The following SMAD1 variants were observed in gnomAD, a reference collection of about 807,000 sequenced individuals.
SMAD1 encodes the protein MAD, mothers against decapentaplegic homolog 1.
In SMAD1, 6 loss-of-function variants were observed where a neutral mutation model predicts 41.6. That is an observed-to-expected ratio of 0.14 (90% CI 0.08 to 0.28). SMAD1 has a LOEUF of 0.28. Ranked by LOEUF, SMAD1 falls within the 10% of genes least tolerant of loss-of-function variation. The pLI, the probability that SMAD1 is intolerant of heterozygous loss-of-function variation, is 1.00. For missense variants in SMAD1, 379 were observed against 582.6 expected (o/e 0.65, Z 3.60); for synonymous variants, 206 against 203.2 (o/e 1.01, Z -0.12).
chr4:145,539,318 A>T (rs141433233), intron 2 of SMAD1, among the ~76,000 whole-genome samples: 1 of 152,202 alleles, frequency 6.6e-6, no homozygotes, highest in Admixed American at 6.5e-5. Context: ...TTTATTTACT[A>T]TGCTGCTTTT....
intron 1 of SMAD1, among the ~76,000 whole-genome samples, chr4:145,498,519 GTTTTAAA>G (rs1430400528): frequency 6.6e-6 from 1 of 152,106 alleles, no homozygotes; most frequent in Admixed American, 6.5e-5. Flanking sequence ...TGTTATTGTG[GTTTTAAA>G]TTTGAAAACA....
chr4:145,555,220 C>T (rs995304157), intron 6 of SMAD1, among the ~76,000 whole-genome samples: 5 of 152,130 alleles, frequency 3.3e-5, no homozygotes, highest in Non-Finnish European at 5.9e-5. Context: ...ACATATGGGA[C>T]TACAAAGAAC....
intron 2 of SMAD1, among the ~76,000 whole-genome samples, chr4:145,527,802 G>A (rs1045836441): frequency 6.6e-6 from 1 of 151,886 alleles, no homozygotes; most frequent in Non-Finnish European, 1.5e-5. Context: ...TTTGGATTGC[G>A]AGTCCACATC....
intron 6 of SMAD1, among the ~76,000 whole-genome samples, chr4:145,556,372 G>T (rs141508533): frequency 0.012 from 1,762 of 152,126 alleles, 23 homozygotes; most frequent in Non-Finnish European, 0.016. Context: ...ATGCATGAGT[G>T]TACATACATC....
chr4:145,535,466 G>T (rs1731558706), intron 2 of SMAD1, among the ~76,000 whole-genome samples: 1 of 152,112 alleles, frequency 6.6e-6, no homozygotes, highest in Admixed American at 6.6e-5. Flanking sequence ...AATCACCTTT[G>T]GTGTTGTTAT....
intron 1 of SMAD1, among the ~76,000 whole-genome samples, chr4:145,507,314 G>C (rs1386663482): frequency 1.3e-5 from 2 of 151,916 alleles, no homozygotes; most frequent in Non-Finnish European, 2.9e-5. Flanking sequence ...TCCAAACCCA[G>C]TCATGGTTAA....
At chr4:145,486,859 T>G (rs1728502197) in intron 1 of SMAD1, among the ~76,000 whole-genome samples, 1 of 152,194 alleles carries the variant, frequency 6.6e-6, no homozygotes, top group African/African-American at 2.4e-5. Flanking sequence ...AGATCTGGAC[T>G]CCTCTTGGCA....
intron 5 of SMAD1, among the ~76,000 whole-genome samples, chr4:145,548,910 T>C (rs1285526001): frequency 6.6e-6 from 1 of 152,168 alleles, no homozygotes; most frequent in Admixed American, 6.5e-5. Flanking sequence ...TCATCACCAA[T>C]GAGAGACAGA....
At chr4:145,529,302 A>C (rs1439791439) in intron 2 of SMAD1, among the ~76,000 whole-genome samples, 1 of 152,188 alleles carries the variant, frequency 6.6e-6, no homozygotes, top group East Asian at 1.9e-4. Flanking sequence ...CTCTAATAAC[A>C]GAGCACCTTC....
chr4:145,557,951 G>A lies in SMAD1; in HGVS notation c.*17G>A. On this transcript the variant is annotated 3_prime_UTR_variant, in exon 7 of 7. Coordinates refer to ENST00000302085, the MANE Select transcript of SMAD1 (RefSeq NM_005900.3). ...GTATCTTAAATGGCCCCAGGCATCTGCCTCTGGAAAACTATTGAGCCTTGC... is the reference window on the plus strand; with the variant it reads ...GTATCTTAAATGGCCCCAGGCATCTACCTCTGGAAAACTATTGAGCCTTGC... 6.3e-7 allele frequency: 1 copy of A among 1,585,574 alleles called. No individual in the cohort carries two copies. The highest frequency in any genetic ancestry group is 8.6e-7 in the Non-Finnish European group (1 of 1,163,082).
chr4:145,557,908 C>G lies in SMAD1; in HGVS notation c.1372C>G (p.His458Asp). Reference protein sequence around the residue: ...DKVLTQMGSPHNPISSVS With the variant: ...DKVLTQMGSPDNPISSVS ...AGTTCTTACTCAAATGGGTTCACCT[C>G]ATAATCCTATTTCATCTGTATCTTA... Residue 458 changes from histidine (H) to aspartate (D), a missense_variant, in exon 7 of 7, where the codon CAT (histidine) becomes GAT (aspartate). By Grantham distance (81) the His-to-Asp change is moderately conservative (BLOSUM62 -1). Transcript: ENST00000302085. 1 of 1,610,780 alleles carries G rather than the reference C, an allele frequency of 6.2e-7. No individual in the cohort carries two copies. The highest frequency in any genetic ancestry group is 1.1e-5 in the South Asian group (1 of 90,388).
Position 145,515,867 on chromosome 4 carries a change from G to A in SMAD1, c.400+854G>A, listed in dbSNP as rs75781556. Among the ~76,000 whole-genome samples, 434 of 152,248 alleles carry A rather than the reference G, an allele frequency of 2.9e-3. 1 individual carries two copies. The highest frequency in any genetic ancestry group is 9.9e-3 in the African/African-American group (412 of 41,542). The stretch of plus-strand genomic sequence containing the variant: ...ACATGGCTCTCCTCCCAGAAATCCT[G>A]ATCCTGGGATAGCCTGGTAATCTTT... On this transcript the variant is annotated intron_variant, in intron 2 of 6. Transcript: ENST00000302085.
At chr4:145,511,194 T>C (rs74998008) in intron 1 of SMAD1, among the ~76,000 whole-genome samples, 2,086 of 152,334 alleles carry the variant, frequency 0.014, 65 homozygotes, top group African/African-American at 0.048. Flanking sequence ...TTGCTTATAC[T>C]TTGGGATTAT....
upstream of SMAD1, chr4:145,481,506 T>G (rs1437043723): frequency 4.6e-5 from 7 of 152,136 alleles, no homozygotes; most frequent in African/African-American, 1.7e-4. Context: ...GAAATTCACT[T>G]GCAGATAATG....
intron 2 of SMAD1, among the ~76,000 whole-genome samples, chr4:145,519,697 A>G (rs1373484026): frequency 3.3e-5 from 5 of 151,840 alleles, no homozygotes; most frequent in Admixed American, 6.6e-5. Context: ...GAAATATACA[A>G]TGTATTATTA....
chr4:145,537,597 A>C (rs1017844727), intron 2 of SMAD1, among the ~76,000 whole-genome samples: 2 of 152,210 alleles, frequency 1.3e-5, no homozygotes, highest in African/African-American at 4.8e-5. Flanking sequence ...CCAAGTATTT[A>C]GCAGCAGAAG....
intron 2 of SMAD1, among the ~76,000 whole-genome samples, chr4:145,531,018 T>C (rs777495127): frequency 6.6e-6 from 1 of 152,226 alleles, no homozygotes; most frequent in Non-Finnish European, 1.5e-5. Flanking sequence ...ATACCTGCAG[T>C]GCCCTGCATG....
At chr4:145,552,870 C>T (rs567038216) in intron 5 of SMAD1, among the ~76,000 whole-genome samples, 1 of 151,764 alleles carries the variant, frequency 6.6e-6, no homozygotes, top group South Asian at 2.1e-4. Context: ...ACATTAATCA[C>T]TTACCAAAAT....
intron 5 of SMAD1, among the ~76,000 whole-genome samples, 162 bp from the exon 6 acceptor site, chr4:145,553,622 C>T (rs1732677093): frequency 6.6e-6 from 1 of 152,098 alleles, no homozygotes; most frequent in Admixed American, 6.5e-5. Flanking sequence ...GTCCATGGCC[C>T]CGGGGGTTGG....
Sources: allele counts gnomAD v4.1 joint callset (sites outside exome capture counted in the v4.1 genomes callset), GRCh38; gene constraint gnomAD v4.1.1; transcripts MANE v1.5; gene names NCBI Gene and HGNC (gene_info 2026-07-23, HGNC 2026-07-21).